The following DEFB130A variants were observed in gnomAD, a reference collection of about 807,000 sequenced individuals.
DEFB130A encodes the protein defensin beta 130A.
chr8:12,316,876 A>G (rs1809553504), intron 1 of DEFB130A, among the ~76,000 whole-genome samples: 2 of 144,030 alleles, frequency 1.4e-5, no homozygotes, highest in Admixed American at 6.9e-5. Flanking sequence ...TGGGAATGTA[A>G]CAGTCTGAAG....
At position 12,316,076 on chromosome 8, in the gene DEFB130A, A is replaced by G. The variant is rs1214888371; in HGVS notation, c.58+2183T>C. Among the ~76,000 whole-genome samples the G allele has an allele frequency of 3.8e-4, 19 of 50,516 alleles. 9 individuals carry two copies. Among genetic ancestry groups the G allele is most frequent in the African/African-American group, 5.8e-4 (4 of 6,954 alleles). 33.1% of individuals were successfully genotyped at this position (50,516 alleles called of 152,430 possible). ...ATCCTACTTGCCTCCAAATTATACT[A>G]TAAGGCCACAGTAACTAAAATGGCA... On this transcript the variant is annotated intron_variant, in intron 1 of 1. Coordinates refer to ENST00000400079, the MANE Select transcript of DEFB130A (RefSeq NM_001037804.1).
At chr8:12,316,865 GT>G (rs1319516685) in intron 1 of DEFB130A, among the ~76,000 whole-genome samples, 1 of 145,992 alleles carries the variant, frequency 6.8e-6, no homozygotes, top group Non-Finnish European at 1.5e-5. Flanking sequence ...TACACTGTTG[GT>G]GGGAATGTAA....
chr8:12,317,422 A>G (rs556409707), intron 1 of DEFB130A, among the ~76,000 whole-genome samples: 2,335 of 58,324 alleles, frequency 0.04, 737 homozygotes, highest in Admixed American at 0.061. Context: ...AATCTACAAT[A>G]TAAGTTGAAA....
chr8:12,316,725 C>A lies in DEFB130A; in HGVS notation c.58+1534G>T, dbSNP rs1001259237. On this transcript the variant is annotated intron_variant, in intron 1 of 1. Coordinates refer to ENST00000400079, the MANE Select transcript of DEFB130A (RefSeq NM_001037804.1). ...AGCAAACATGAAAAGTAGCTCAACA[C>A]CACTAATCACTAGAGCAATGCAAAT... Among the ~76,000 whole-genome samples the A allele has an allele frequency of 2.2e-5, 3 of 135,280 alleles. 1 individual carries two copies. Among genetic ancestry groups the A allele is most frequent in the African/African-American group, 8.9e-5 (3 of 33,568 alleles). The allele number at this position is 135,280 out of a possible 152,430, so 88.7% of individuals were successfully genotyped here.
chr8:12,318,193 T>C, intron 1 of DEFB130A, 66 bp downstream of exon 1: 1 of 120,200 alleles, frequency 8.3e-6, no homozygotes, highest in East Asian at 3.4e-4. Flanking sequence ...CACAGCATAA[T>C]TATCTCAGTA....
chr8:12,316,578 C>T (rs2150811111), intron 1 of DEFB130A, among the ~76,000 whole-genome samples: 1 of 40,462 alleles, frequency 2.5e-5, no homozygotes, highest in South Asian at 1.2e-3. Flanking sequence ...ATGCATCTGA[C>T]AAAAATTTAA....
At chr8:12,316,773 T>C (rs976120008) in intron 1 of DEFB130A, among the ~76,000 whole-genome samples, 61 of 147,602 alleles carry the variant, frequency 4.1e-4, no homozygotes, top group Non-Finnish European at 5.2e-4. Flanking sequence ...GAGAACTATC[T>C]TACACCAGTG....
At chr8:12,311,794 TACTC>T (rs759336848) in intron 1 of DEFB130A, among the ~76,000 whole-genome samples, 15 of 113,664 alleles carry the variant, frequency 1.3e-4, no homozygotes, top group Non-Finnish European at 2.2e-4. Flanking sequence ...TGCAGAGAAT[TACTC>T]ACAGAGCTAA....
At chr8:12,317,324 C>T (rs1809576325) in intron 1 of DEFB130A, among the ~76,000 whole-genome samples, 1 of 131,606 alleles carries the variant, frequency 7.6e-6, no homozygotes, top group Non-Finnish European at 1.6e-5. Flanking sequence ...GTACTATGCT[C>T]ACTACATGAG....
chr8:12,316,738 G>T (rs1271084631), intron 1 of DEFB130A, among the ~76,000 whole-genome samples: 4 of 140,696 alleles, frequency 2.8e-5, no homozygotes, highest in Non-Finnish European at 6.0e-5. Flanking sequence ...CTAATCACTA[G>T]AGCAATGCAA....
chr8:12,317,268 C>G (rs1323545637), intron 1 of DEFB130A, among the ~76,000 whole-genome samples: 1 of 139,404 alleles, frequency 7.2e-6, no homozygotes, highest in Non-Finnish European at 1.5e-5. Context: ...ACATGGGAGA[C>G]TACTAGAGTG....
chr8:12,316,734 A>T (rs1330736107), intron 1 of DEFB130A, among the ~76,000 whole-genome samples: 1 of 140,154 alleles, frequency 7.1e-6, no homozygotes, highest in Non-Finnish European at 1.5e-5. Flanking sequence ...ACCACTAATC[A>T]CTAGAGCAAT....
chr8:12,316,836 T>C (rs1213905596), intron 1 of DEFB130A, among the ~76,000 whole-genome samples: 1 of 148,928 alleles, frequency 6.7e-6, no homozygotes, highest in Non-Finnish European at 1.5e-5. Context: ...GATGAGGCTG[T>C]GGAGAAAAGG....
intron 1 of DEFB130A, among the ~76,000 whole-genome samples, chr8:12,312,078 C>T (rs1474548742): frequency 3.9e-5 from 1 of 25,678 alleles, no homozygotes; most frequent in Non-Finnish European, 7.5e-5. Flanking sequence ...TTTTTACTGG[C>T]CTCTAATATA....
chr8:12,311,546 G>A (rs1809451685), intron 1 of DEFB130A, among the ~76,000 whole-genome samples: 1 of 30,954 alleles, frequency 3.2e-5, no homozygotes, highest in Non-Finnish European at 5.2e-5. Context: ...AGTTTCAAAG[G>A]AAGTATGTGT....
chr8:12,316,762 T>C (rs1585295945), intron 1 of DEFB130A, among the ~76,000 whole-genome samples: 1 of 145,874 alleles, frequency 6.9e-6, no homozygotes, highest in Admixed American at 6.8e-5. Flanking sequence ...AAAACCACAA[T>C]GAGAACTATC....
rs1252744515 is a variant in DEFB130A at position 12,311,840 on chromosome 8, T to C, written c.59-697A>G. On this transcript the variant is annotated intron_variant, in intron 1 of 1. Transcript: ENST00000400079. ...TTTTCCCTTAAGTGTATCCACATGT[T>C]CTCTTAATTCATCTGGTTTTTGAGA... Among the ~76,000 whole-genome samples the C allele has an allele frequency of 2.7e-5, 3 of 109,358 alleles. No homozygotes were observed. The Admixed American group carries it at 3.4e-4, about 12-fold the overall frequency. 71.7% of individuals were successfully genotyped at this position (109,358 alleles called of 152,430 possible).
chr8:12,318,264 G>C lies in DEFB130A; in HGVS notation c.53C>G (p.Pro18Arg). The change falls in exon 1 of 2, where the codon CCA (proline) becomes CGA (arginine). Residue 18 changes from proline to arginine, a missense_variant. Pro to Arg is a moderately radical substitution (Grantham distance 103). Coordinates refer to ENST00000400079, the MANE Select transcript of DEFB130A (RefSeq NM_001037804.1). ...ACAATCATTCACCATCTTACCTTTT[G>C]GTATTAAAGTCACAAAGAGGAGGAG... ...SVLLLFVTLIPKGKTGVIPGQ... is the reference protein window; with the variant it reads ...SVLLLFVTLIRKGKTGVIPGQ... The C allele has an allele frequency of 7.3e-6, 2 of 272,928 alleles. No homozygotes were observed. The highest frequency in any genetic ancestry group is 1.1e-5 in the Non-Finnish European group (2 of 177,984). 16.9% of individuals were successfully genotyped at this position (272,928 alleles called of 1,614,324 possible). A position where few individuals can be genotyped will look rare whatever the true frequency, so the allele number is the denominator to read the frequency against.
chr8:12,311,764 T>C (rs1418051375), intron 1 of DEFB130A, among the ~76,000 whole-genome samples: 1 of 111,008 alleles, frequency 9.0e-6, no homozygotes, highest in African/African-American at 3.4e-5. Flanking sequence ...GATAGATAGA[T>C]AGATAGACAG....
Sources: allele counts gnomAD v4.1 joint callset (sites outside exome capture counted in the v4.1 genomes callset), GRCh38; gene constraint gnomAD v4.1.1; transcripts MANE v1.5; gene names NCBI Gene and HGNC (gene_info 2026-07-23, HGNC 2026-07-21).